PDE4D: variants seen among roughly 807,000 people sequenced by gnomAD.
PDE4D encodes the protein 3',5'-cyclic-AMP phosphodiesterase 4D.
PDE4D carries 24 observed loss-of-function variants against 87.4 expected under a neutral mutation model. The ratio of observed to expected loss-of-function variants is 0.27; its 90% confidence interval spans 0.20 to 0.39. The LOEUF (loss-of-function observed/expected upper bound fraction) is 0.39, where lower values mean the gene tolerates loss of function less well. Ranked by LOEUF, PDE4D falls within the 10% of genes least tolerant of loss-of-function variation. PDE4D has a pLI of 1.00. For missense variants in PDE4D, 714 were observed against 1,041.0 expected (o/e 0.69, Z 4.32); for synonymous variants, 384 against 383.2 (o/e 1.00, Z -0.02).
At chr5:60,213,638 C>CT (rs1276280156) in intron 1 of PDE4D, among the ~76,000 whole-genome samples, 1 of 152,074 alleles carries the variant, frequency 6.6e-6, no homozygotes. Context: ...TTTTTTTAAA[C>CT]TTTTTTTATA....
chr5:60,389,628 G>C (rs1762433708), intron 1 of PDE4D, among the ~76,000 whole-genome samples: 1 of 152,142 alleles, frequency 6.6e-6, no homozygotes, highest in African/African-American at 2.4e-5. Context: ...ATGTCGGCTG[G>C]AATTGCTTGA....
In PDE4D at chr5:58,999,918, A is replaced by T. The variant is rs1750133744; in HGVS notation, c.922-6453T>A. On this transcript the variant is annotated intron_variant, in intron 6 of 14. Transcript: ENST00000340635. Reference sequence around the variant, plus strand: ...AGAAAGGCTAGTCCTGTCAAAAGCTACCAAATAAGGAACTGCAGGGAAGCC... The same window carrying T: ...AGAAAGGCTAGTCCTGTCAAAAGCTTCCAAATAAGGAACTGCAGGGAAGCC... 3.0e-6 allele frequency: 3 copies of T among 985,858 alleles called. No homozygotes were observed. The Admixed American group carries it at 1.8e-4, about 61-fold the overall frequency. 61.1% of individuals were successfully genotyped at this position (985,858 alleles called of 1,614,324 possible). A position where few individuals can be genotyped will look rare whatever the true frequency, so the allele number is the denominator to read the frequency against.
chr5:59,285,723 T>A lies in PDE4D; in HGVS notation c.456-69755A>T, dbSNP rs188995980. ...CCCAGACAGAGTATTTGAATTCTAA[T>A]AGGAACCTTTTGGAAGCTCAATTCA... On this transcript the variant is annotated intron_variant, in intron 1 of 14. Coordinates refer to ENST00000340635, the MANE Select transcript of PDE4D (RefSeq NM_001104631.2). 4.0e-3 allele frequency among the ~76,000 whole-genome samples: 605 copies of A among 152,306 alleles called. 4 individuals are homozygous for A. The highest frequency in any genetic ancestry group is 0.014 in the African/African-American group (572 of 41,568).
chr5:59,582,217 A>C (rs1824290034), intron 1 of PDE4D, among the ~76,000 whole-genome samples: 1 of 152,218 alleles, frequency 6.6e-6, no homozygotes, highest in Non-Finnish European at 1.5e-5. Context: ...AAAGGAGCAA[A>C]GCTCCATTAT....
intron 1 of PDE4D, among the ~76,000 whole-genome samples, chr5:60,318,808 T>A (rs1333358234): frequency 6.6e-6 from 1 of 152,172 alleles, no homozygotes; most frequent in East Asian, 1.9e-4. Context: ...TGTTGAATAT[T>A]GGCCCCCACT....
intron 1 of PDE4D, among the ~76,000 whole-genome samples, chr5:59,342,736 G>C (rs1358544619): frequency 1.3e-5 from 2 of 151,930 alleles, no homozygotes; most frequent in Non-Finnish European, 2.9e-5. Context: ...TGTAACCCCA[G>C]AATATAAAAT....
intron 1 of PDE4D, among the ~76,000 whole-genome samples, chr5:59,230,997 GATATGTCTCATT>G (rs941531031): frequency 2.0e-5 from 3 of 152,144 alleles, no homozygotes; most frequent in African/African-American, 7.2e-5. Flanking sequence ...AATAAAAAAA[GATATGTCTCATT>G]ATGTGTCTCA....
chr5:59,384,605 T>C (rs568206059), intron 1 of PDE4D, among the ~76,000 whole-genome samples: 2 of 143,450 alleles, frequency 1.4e-5, no homozygotes, highest in Non-Finnish European at 1.5e-5. Flanking sequence ...TCAGGATAAA[T>C]AGAGAAATTA....
chr5:59,822,526 G>T (rs1018534628), intron 1 of PDE4D, among the ~76,000 whole-genome samples: 4 of 152,126 alleles, frequency 2.6e-5, no homozygotes, highest in African/African-American at 9.7e-5. Flanking sequence ...GAAAAAGTGA[G>T]TAGAGAGGGA....
At chr5:59,992,822 T>C (rs1763148483) in intron 2 of PDE4D, among the ~76,000 whole-genome samples, 1 of 152,180 alleles carries the variant, frequency 6.6e-6, no homozygotes, top group African/African-American at 2.4e-5. Flanking sequence ...ACAATAAAAA[T>C]GATAAAGCAC....
At chr5:59,990,143 C>G (rs961699909) in intron 2 of PDE4D, among the ~76,000 whole-genome samples, 1 of 152,122 alleles carries the variant, frequency 6.6e-6, no homozygotes, top group Non-Finnish European at 1.5e-5. Context: ...ATTTATTACA[C>G]TCCTTACTAT....
At chr5:59,388,379 C>T (rs1247451540) in intron 1 of PDE4D, among the ~76,000 whole-genome samples, 2 of 151,980 alleles carry the variant, frequency 1.3e-5, no homozygotes, top group Non-Finnish European at 2.9e-5. Flanking sequence ...AAGATGTTTA[C>T]ACTGTTGGTG....
At chr5:59,217,264 T>C (rs1361964200) in intron 1 of PDE4D, 1 of 455,988 alleles carries the variant, frequency 2.2e-6, no homozygotes, top group Admixed American at 2.3e-5. Flanking sequence ...AAAAACTTGT[T>C]GAAAGAATAA....
chr5:60,318,462 T>C (rs1053072082), intron 1 of PDE4D, among the ~76,000 whole-genome samples: 6 of 152,366 alleles, frequency 3.9e-5, no homozygotes, highest in Admixed American at 1.3e-4. Flanking sequence ...TGTCTTTTAA[T>C]TGAAGCAGTT....
chr5:59,090,403 C>A (rs971909658), intron 5 of PDE4D, among the ~76,000 whole-genome samples: 13 of 152,054 alleles, frequency 8.5e-5, no homozygotes, highest in African/African-American at 4.8e-5. Flanking sequence ...GGACATCTCT[C>A]CACAGGGAGA....
rs549963818 is a variant in PDE4D at position 60,473,844 on chromosome 5, A to T, written c.-90+14098T>A. On this transcript the variant is annotated intron_variant, in intron 1 of 16. Transcript: ENST00000502484. The stretch of plus-strand genomic sequence containing the variant: ...CACCCTCCCCACTGTTTGATGTACC[A>T]TGCCCCCTGACCCCACCCCAGCCCC... 3.7e-3 allele frequency among the ~76,000 whole-genome samples: 554 copies of T among 151,298 alleles called. 4 individuals carry two copies. Among genetic ancestry groups the T allele is most frequent in the African/African-American group, 0.013 (544 of 41,206 alleles).
intron 5 of PDE4D, among the ~76,000 whole-genome samples, chr5:59,062,503 A>G (rs1323559371): frequency 1.3e-5 from 2 of 152,120 alleles, no homozygotes; most frequent in South Asian, 2.1e-4. Context: ...GTTTGAGACT[A>G]TAGTTATACA....
chr5:60,316,801 CG>C (rs1755652394), intron 1 of PDE4D, among the ~76,000 whole-genome samples: 1 of 152,112 alleles, frequency 6.6e-6, no homozygotes, highest in South Asian at 2.1e-4. Context: ...TACTGATTTG[CG>C]TCTGTTGAAC....
At position 60,415,953 on chromosome 5, in the gene PDE4D, G is replaced by A. The variant is rs535835521; in HGVS notation, c.-90+71989C>T. 3.4e-5 allele frequency among the ~76,000 whole-genome samples: 5 copies of A among 148,242 alleles called. No individual in the cohort carries two copies. In the East Asian group the frequency reaches 9.7e-4, roughly 29 times the overall value. On this transcript the variant is annotated intron_variant, in intron 1 of 16. Transcript: ENST00000502484. ...AAATGCACCAATCAGCACTCTGTAT[G>A]TAGCTCAAGGTTTGTAAACACACCA...
Sources: allele counts gnomAD v4.1 joint callset (sites outside exome capture counted in the v4.1 genomes callset), GRCh38; gene constraint gnomAD v4.1.1; transcripts MANE v1.5; gene names NCBI Gene and HGNC (gene_info 2026-07-23, HGNC 2026-07-21).